VPS13B: variants seen among roughly 807,000 people sequenced by gnomAD.
VPS13B encodes the protein vacuolar protein sorting 13 homolog B, also known as intermembrane lipid transfer protein VPS13B.
VPS13B carries 285 observed loss-of-function variants against 426.4 expected under a neutral mutation model. That is an observed-to-expected ratio of 0.67 (90% CI 0.61 to 0.74). VPS13B has a LOEUF of 0.74. Among genes scored for constraint, VPS13B ranks in the 30% least tolerant of loss-of-function variants. The pLI is 0.00. For missense variants in VPS13B, 4,537 were observed against 4,782.6 expected (o/e 0.95, Z 1.51); for synonymous variants, 1,676 against 1,676.4 (o/e 1.00, Z 0.01).
chr8:99,335,966 T>A (rs1329082506), intron 19 of VPS13B, among the ~76,000 whole-genome samples: 3 of 151,770 alleles, frequency 2.0e-5, no homozygotes, highest in Non-Finnish European at 3.0e-5. Context: ...TTCAATGCCA[T>A]CCCCATCAAG....
intron 25 of VPS13B, among the ~76,000 whole-genome samples, chr8:99,497,110 A>AAAATATATTTATATATTTCATATAT (rs1357773703): frequency 9.3e-4 from 132 of 142,642 alleles, no homozygotes; most frequent in Non-Finnish European, 1.7e-3. Context: ...ATGTAATATA[A>AAAATATATTTATATATTTCATATAT]AAATATATTT....
intron 17 of VPS13B, among the ~76,000 whole-genome samples, chr8:99,238,256 G>GTA (rs1438930752): frequency 0.011 from 1,634 of 151,916 alleles, 19 homozygotes; most frequent in South Asian, 0.028. Context: ...GTGTGTGTGT[G>GTA]TGTGTGTGTG....
chr8:99,626,992 A>G (rs12544405), intron 33 of VPS13B, among the ~76,000 whole-genome samples: 20,954 of 152,214 alleles, frequency 0.14, 2,002 homozygotes, highest in East Asian at 0.39. Context: ...TCTTGAGGAC[A>G]TTATGCTAAG....
intron 3 of VPS13B, among the ~76,000 whole-genome samples, chr8:99,049,648 G>C (rs1477812142): frequency 6.6e-6 from 1 of 151,924 alleles, no homozygotes; most frequent in African/African-American, 2.4e-5. Flanking sequence ...AGTGTGCCTA[G>C]GCGATGATCT....
chr8:99,451,984 T>A (rs1408529439), intron 23 of VPS13B, among the ~76,000 whole-genome samples: 1 of 152,222 alleles, frequency 6.6e-6, no homozygotes, highest in Non-Finnish European at 1.5e-5. Context: ...CCTTTTGTCA[T>A]GCAGAGTAAT....
At chr8:99,628,112 C>G (rs904138982) in intron 33 of VPS13B, among the ~76,000 whole-genome samples, 2 of 152,184 alleles carry the variant, frequency 1.3e-5, no homozygotes, top group Admixed American at 1.3e-4. Context: ...AACTCCGTGT[C>G]GACTAAAGGA....
chr8:99,564,539 C>G (rs958075765), intron 31 of VPS13B, among the ~76,000 whole-genome samples: 1 of 152,152 alleles, frequency 6.6e-6, no homozygotes, highest in Non-Finnish European at 1.5e-5. Flanking sequence ...GGTCAAGAGT[C>G]AGGAAGAAGA....
At chr8:99,746,028 A>G (rs1003223208) in intron 39 of VPS13B, among the ~76,000 whole-genome samples, 4 of 152,104 alleles carry the variant, frequency 2.6e-5, no homozygotes, top group African/African-American at 7.2e-5. Flanking sequence ...TCTTTTAATC[A>G]GTAAGAGTCC....
At chr8:99,322,302 A>G (rs1487899520) in intron 19 of VPS13B, among the ~76,000 whole-genome samples, 1 of 152,186 alleles carries the variant, frequency 6.6e-6, no homozygotes, top group African/African-American at 2.4e-5. Context: ...AGTTAGTAAG[A>G]TTAGGCTGAA....
chr8:99,368,800 A>C (rs1194377372), intron 19 of VPS13B, among the ~76,000 whole-genome samples: 1 of 152,140 alleles, frequency 6.6e-6, no homozygotes, highest in Admixed American at 6.5e-5. Flanking sequence ...GGTGTATTTA[A>C]GTCTTTAGTT....
intron 19 of VPS13B, among the ~76,000 whole-genome samples, chr8:99,325,891 C>T (rs1810232336): frequency 6.6e-6 from 1 of 152,064 alleles, no homozygotes; most frequent in Non-Finnish European, 1.5e-5. Flanking sequence ...CTTAGTATCT[C>T]AACCAAAATA....
chr8:99,316,161 C>A (rs1809646893), intron 19 of VPS13B, among the ~76,000 whole-genome samples: 1 of 152,028 alleles, frequency 6.6e-6, no homozygotes, highest in African/African-American at 2.4e-5. Flanking sequence ...TGCTTTGGCC[C>A]CAGGTGTTGG....
At chr8:99,306,056 T>C (rs1030140168) in intron 19 of VPS13B, among the ~76,000 whole-genome samples, 6 of 152,158 alleles carry the variant, frequency 3.9e-5, no homozygotes, top group African/African-American at 1.2e-4. Flanking sequence ...TTTTCGCTTA[T>C]GTTTGGCGCA....
At chr8:99,269,771 C>T (rs913304161) in intron 17 of VPS13B, among the ~76,000 whole-genome samples, 1 of 152,150 alleles carries the variant, frequency 6.6e-6, no homozygotes, top group Non-Finnish European at 1.5e-5. Context: ...GTACTCCTTT[C>T]TGCCTTTCTA....
intron 33 of VPS13B, among the ~76,000 whole-genome samples, chr8:99,585,167 G>C (rs1459582077): frequency 2.6e-5 from 4 of 152,038 alleles, no homozygotes; most frequent in African/African-American, 9.7e-5. Flanking sequence ...TTTTTGGTAG[G>C]ACAGTGAAAA....
At chr8:99,618,042 T>C (rs554534612) in intron 33 of VPS13B, among the ~76,000 whole-genome samples, 28 of 152,274 alleles carry the variant, frequency 1.8e-4, no homozygotes, top group Non-Finnish European at 3.8e-4. Context: ...GTGATAAATA[T>C]TAACAATGAC....
chr8:99,226,696 T>C (rs1816039465), intron 17 of VPS13B, among the ~76,000 whole-genome samples: 1 of 152,180 alleles, frequency 6.6e-6, no homozygotes, highest in Non-Finnish European at 1.5e-5. Flanking sequence ...GTATAGTAAT[T>C]TTCAGAAAGC....
chr8:99,398,785 C>T (rs756045123), intron 21 of VPS13B, among the ~76,000 whole-genome samples: 6 of 150,648 alleles, frequency 4.0e-5, no homozygotes, highest in Non-Finnish European at 5.9e-5. Flanking sequence ...ATTTTTCTTT[C>T]CACAAACAAG....
At chr8:99,233,384 G>A (rs1424316336) in intron 17 of VPS13B, 5 of 1,067,778 alleles carry the variant, frequency 4.7e-6, no homozygotes, top group Non-Finnish European at 7.3e-6. Flanking sequence ...ATCCGTCCCT[G>A]GGCCTTGATG....
Sources: gnomAD v4.1 joint callset for allele counts (sites outside exome capture counted in the v4.1 genomes callset) on GRCh38, gnomAD v4.1.1 for gene constraint, MANE v1.5 for transcripts, NCBI Gene and HGNC (gene_info 2026-07-23, HGNC 2026-07-21) for gene names.